The following AS3MT variants were observed in gnomAD, a reference collection of about 807,000 sequenced individuals.
The protein encoded by AS3MT is S-adenosyl-L-methionine:arsenic(III) methyltransferase.
A neutral mutation model predicts 45.3 loss-of-function variants in AS3MT; 47 were observed. The ratio of observed to expected loss-of-function variants is 1.04; its 90% CI spans 0.82 to 1.32. The LOEUF (loss-of-function observed/expected upper bound fraction) is 1.32, where lower values mean the gene tolerates loss of function less well. AS3MT is among the 40% of genes most tolerant of loss of function. The pLI, the probability that AS3MT is intolerant of heterozygous loss-of-function variation, is 0.00. For missense variants in AS3MT, 396 were observed against 451.1 expected (o/e 0.88, Z 1.11); for synonymous variants, 141 against 152.8 (o/e 0.92, Z 0.57).
chr10:102,874,651 G>A lies in AS3MT; in HGVS notation c.518G>A (p.Arg173Gln), dbSNP rs538040244. Residue 173 changes from arginine to glutamine, a missense_variant, in exon 6 of 11, where the codon CGG (arginine) becomes CAG (glutamine). Arg to Gln is a conservative substitution (Grantham distance 43). Transcript: ENST00000369880. ...DKQQVLQEAYRVLKHGGELYF... is the reference protein window; with the variant it reads ...DKQQVLQEAYQVLKHGGELYF... ...CAACAAGTGCTTCAGGAGGCATATC[G>A]GGTGCTGAAGGTGAGGAGGAGAGTG... 18 of 1,607,584 alleles carry A rather than the reference G, an allele frequency of 1.1e-5. 1 individual carries two copies. The highest frequency in any genetic ancestry group is 1.7e-4 in the Middle Eastern group (1 of 6,058).
chr10:102,874,269 A>G (rs1775190960), intron 5 of AS3MT, among the ~76,000 whole-genome samples: 1 of 152,052 alleles, frequency 6.6e-6, no homozygotes, highest in Admixed American at 6.6e-5. Flanking sequence ...AAAAAAAAAA[A>G]GAAAGAAATG....
intron 10 of AS3MT, among the ~76,000 whole-genome samples, chr10:102,899,016 A>C (rs1470187216): frequency 6.6e-6 from 1 of 152,164 alleles, no homozygotes; most frequent in Non-Finnish European, 1.5e-5. Flanking sequence ...TCAAGTCTTG[A>C]GATCTTTTTG....
rs144713814 is a variant in AS3MT at position 102,872,544 on chromosome 10, C to T, written c.267C>T (p.Ser89=). 1 of 1,613,822 alleles carries T rather than the reference C, an allele frequency of 6.2e-7. No homozygotes were observed. The highest frequency in any genetic ancestry group is 2.2e-5 in the East Asian group (1 of 44,880). Residue 89 remains serine, a synonymous_variant, in exon 4 of 11, where the codon AGC becomes AGT. Transcript: ENST00000369880. ...SGSGRDCYVL[S]QLVGEKGHVT... Reference sequence around the variant, plus strand: ...GTGGCAGAGATTGCTATGTACTTAGCCAGCTGGTTGGTGAAAAAGGACACG... The same window carrying T: ...GTGGCAGAGATTGCTATGTACTTAGTCAGCTGGTTGGTGAAAAAGGACACG...
chr10:102,888,679 C>T (rs1844999057), intron 9 of AS3MT, among the ~76,000 whole-genome samples: 1 of 151,848 alleles, frequency 6.6e-6, no homozygotes. Context: ...CCCTGGCCTA[C>T]CAAAGTGCTG....
At position 102,870,066 on chromosome 10, in the gene AS3MT, T is replaced by C; in HGVS notation, c.43-18T>C. 6.2e-7 allele frequency: 1 copy of C among 1,613,180 alleles called. No homozygotes were observed. Among genetic ancestry groups the C allele is most frequent in the Non-Finnish European group, 8.5e-7 (1 of 1,179,850 alleles). The stretch of plus-strand genomic sequence containing the variant: ...TCTCCCTCTCTACCCCTCACTCCAC[T>C]GTGGGACGCTGGGTCAGACCTACTA... On this transcript the variant is annotated intron_variant, in intron 2 of 10. Transcript: ENST00000369880.
chr10:102,878,558 A>G, intron 8 of AS3MT, 48 bp downstream of exon 8: 1 of 1,599,570 alleles, frequency 6.3e-7, no homozygotes, highest in Non-Finnish European at 8.5e-7. Flanking sequence ...AGCTTGAATG[A>G]TTGAAATGTG....
rs528680133 is a variant in AS3MT at position 102,874,662 on chromosome 10, G to A, written c.528+1G>A. 2.1e-5 allele frequency: 33 copies of A among 1,603,064 alleles called. No homozygotes were observed. The South Asian group carries it at 3.2e-4, about 16-fold the overall frequency. ...TCAGGAGGCATATCGGGTGCTGAAG[G>A]TGAGGAGGAGAGTGAGATAAATTAT... On this transcript the variant is annotated splice_donor_variant, in intron 6 of 10. Transcript: ENST00000369880. LOFTEE classifies it high-confidence loss of function.
chr10:102,892,213 T>G (rs1409568911), intron 10 of AS3MT, among the ~76,000 whole-genome samples: 1 of 152,156 alleles, frequency 6.6e-6, no homozygotes, highest in African/African-American at 2.4e-5. Context: ...TGTCATATTA[T>G]TAATGTTATT....
intron 7 of AS3MT, 91 bp from the exon 8 acceptor site, chr10:102,878,288 T>C: frequency 3.3e-6 from 5 of 1,494,038 alleles, no homozygotes; most frequent in Non-Finnish European, 4.5e-6. Context: ...ACTAATACCA[T>C]GTCCTAATTA....
rs552742486 is a variant in AS3MT at position 102,889,679 on chromosome 10, C to A, written c.886-865C>A. The stretch of plus-strand genomic sequence containing the variant: ...TCCTTCCTTCCCTTCCTCCCTCCAC[C>A]CCCCCCGCCCCTTTCAGATGGAATC... On this transcript the variant is annotated intron_variant, in intron 9 of 10. Transcript: ENST00000369880. 1.3e-3 allele frequency among the ~76,000 whole-genome samples: 185 copies of A among 147,194 alleles called. 4 individuals carry two copies. The highest frequency in any genetic ancestry group is 3.4e-3 in the Middle Eastern group (1 of 290).
chr10:102,893,749 T>C (rs1845115227), intron 10 of AS3MT, among the ~76,000 whole-genome samples: 1 of 152,122 alleles, frequency 6.6e-6, no homozygotes, highest in South Asian at 2.1e-4. Flanking sequence ...TCCACCCACC[T>C]TGGCCTCCCA....
rs751685577 is a variant in AS3MT, at chr10:102,877,748, CTTTTTTTT to C, written c.611-616_611-609del. 6.7e-3 allele frequency among the ~76,000 whole-genome samples: 709 copies of C among 105,238 alleles called. 4 individuals are homozygous for C. Among genetic ancestry groups the C allele is most frequent in the African/African-American group, 0.023 (663 of 28,714 alleles). The allele number at this position is 105,238 out of a possible 152,430, so 69.0% of individuals were successfully genotyped here. A position where few individuals can be genotyped will look rare whatever the true frequency, so the allele number is the denominator to read the frequency against. On this transcript the variant is annotated intron_variant, in intron 7 of 10. Transcript: ENST00000369880. ...TAATCATATAACCCAGTGATAACTT[CTTTTTTTT>C]TTTTTTTTTTTTTTGAGATGGAGTC...
chr10:102,896,019 A>G (rs1845163093), intron 10 of AS3MT, among the ~76,000 whole-genome samples: 2 of 151,734 alleles, frequency 1.3e-5, no homozygotes, highest in East Asian at 2.0e-4. Flanking sequence ...CAGGTAATCC[A>G]CCTGCCTTGG....
intron 9 of AS3MT, among the ~76,000 whole-genome samples, chr10:102,889,007 C>T (rs1007189413): frequency 6.6e-6 from 1 of 151,254 alleles, no homozygotes; most frequent in Non-Finnish European, 1.5e-5. Context: ...TCTCCTGCCT[C>T]AGCGCCCCGA....
At chr10:102,883,105 G>GTTTTT (rs199951226) in intron 9 of AS3MT, among the ~76,000 whole-genome samples, 2 of 140,218 alleles carry the variant, frequency 1.4e-5, no homozygotes, top group Admixed American at 7.1e-5. Context: ...TATATATATG[G>GTTTTT]TTTTTTTTTT....
chr10:102,871,313 G>A (rs1160942225), intron 3 of AS3MT, among the ~76,000 whole-genome samples: 2 of 151,904 alleles, frequency 1.3e-5, no homozygotes, highest in African/African-American at 4.8e-5. Context: ...TTGGGAGGCC[G>A]AGGCGGGAGG....
intron 10 of AS3MT, among the ~76,000 whole-genome samples, chr10:102,897,421 C>T (rs2134134436): frequency 6.7e-6 from 1 of 150,188 alleles, no homozygotes; most frequent in Admixed American, 6.6e-5. Context: ...ATAATGGTTA[C>T]AAGTAAAGAG....
chr10:102,897,471 C>CT (rs945061244), intron 10 of AS3MT, among the ~76,000 whole-genome samples: 29 of 145,182 alleles, frequency 2.0e-4, no homozygotes, highest in Admixed American at 4.1e-4. Flanking sequence ...TGTACTCTGG[C>CT]TTTTTTTTTT....
At chr10:102,879,983 C>T (rs1312508156) in intron 9 of AS3MT, among the ~76,000 whole-genome samples, 1 of 151,974 alleles carries the variant, frequency 6.6e-6, no homozygotes, top group Non-Finnish European at 1.5e-5. Flanking sequence ...CAGCATGCGT[C>T]CCATAGGAAT....
Sources: gnomAD v4.1 joint callset for allele counts (sites outside exome capture counted in the v4.1 genomes callset) on GRCh38, gnomAD v4.1.1 for gene constraint, MANE v1.5 for transcripts, NCBI Gene and HGNC (gene_info 2026-07-23, HGNC 2026-07-21) for gene names.